The following TANC1 variants were observed in gnomAD, a reference collection of about 807,000 sequenced individuals.
The protein encoded by TANC1 is protein TANC1.
In TANC1, 77 loss-of-function variants were observed where a neutral mutation model predicts 149.7. The ratio of observed to expected loss-of-function variants is 0.51; its 90% CI spans 0.43 to 0.62. The LOEUF (loss-of-function observed/expected upper bound fraction) is 0.62. Among genes scored for constraint, TANC1 ranks in the 20% least tolerant of loss-of-function variants. The probability of loss-of-function intolerance (pLI) is 0.00; values close to 1 mark genes in which losing one functional copy is unlikely to be tolerated. For missense variants in TANC1, 1,985 were observed against 2,321.8 expected (o/e 0.85, Z 2.98); for synonymous variants, 854 against 925.0 (o/e 0.92, Z 1.39).
At chr2:159,219,047 G>A (rs13400643) in intron 20 of TANC1, among the ~76,000 whole-genome samples, 191 bp from the exon 21 acceptor site, 13,173 of 152,186 alleles carry the variant, frequency 0.087, 1,205 homozygotes, top group East Asian at 0.23. Context: ...TAAAAAGAGT[G>A]CATATTTTGG....
chr2:159,169,250 C>T lies in TANC1; in HGVS notation c.947C>T (p.Ala316Val). 1 of 1,613,102 alleles carries T rather than the reference C, an allele frequency of 6.2e-7. No homozygotes were observed. The highest frequency in any genetic ancestry group is 8.5e-7 in the Non-Finnish European group (1 of 1,179,160). Residue 316 changes from alanine (A) to valine (V), a missense_variant and splice_region_variant, in exon 9 of 27, where the codon GCA becomes GTA. Physicochemically the swap from Ala to Val is moderately conservative, Grantham distance 64 (BLOSUM62 0). This residue lies in a region of TANC1 where 557 missense variants were observed against 612.9 expected (regional missense o/e 0.91). Transcript: ENST00000263635. ...ACTAAACTTCAGTTTAATATTACAG[C>T]AACAAGCTCAACCAAATTGGAAGAT... Reference protein sequence around the residue: ...LIMPRPNSVAATSSTKLEDLS... With the variant: ...LIMPRPNSVAVTSSTKLEDLS...
intron 3 of TANC1, among the ~76,000 whole-genome samples, chr2:159,085,788 G>T (rs1299969269): frequency 6.6e-6 from 1 of 152,082 alleles, no homozygotes. Context: ...ATCCACCCCC[G>T]TGACCCAACA....
intron 2 of TANC1, among the ~76,000 whole-genome samples, chr2:159,020,272 C>T (rs1266164797): frequency 1.3e-5 from 2 of 152,026 alleles, no homozygotes; most frequent in African/African-American, 4.8e-5. Context: ...TGCCACCACA[C>T]CCAGCCAATT....
At chr2:159,200,753 T>C (rs892587251) in intron 19 of TANC1, among the ~76,000 whole-genome samples, 1 of 152,180 alleles carries the variant, frequency 6.6e-6, no homozygotes, top group Non-Finnish European at 1.5e-5. Context: ...AGGCTCCTAA[T>C]TGGGTATTGG....
At chr2:159,006,312 A>AT (rs1364449554) in intron 2 of TANC1, among the ~76,000 whole-genome samples, 1 of 151,602 alleles carries the variant, frequency 6.6e-6, no homozygotes, top group African/African-American at 2.4e-5. Context: ...AAAAAAAAAA[A>AT]AAAGAATGTC....
intron 7 of TANC1, among the ~76,000 whole-genome samples, chr2:159,158,145 C>T (rs1456935210): frequency 1.3e-5 from 2 of 152,060 alleles, no homozygotes; most frequent in Non-Finnish European, 2.9e-5. Flanking sequence ...CGCTTGAGCC[C>T]ATTAGTTCAA....
Position 159,059,915 on chromosome 2 carries a change from TGTGTGTGTGTGTGTGG to T in TANC1, c.-15-5980_-15-5965del, listed in dbSNP as rs1186661660. On this transcript the variant is annotated intron_variant, in intron 2 of 26. Transcript: ENST00000263635. ...GTGTGTGTGTGTGTGTGTGTGTGTGTGTGTGTGTGTGTGTGGTTTTTTGTTGTTGTTGTTTTTTTTT... is the reference window on the plus strand; with the variant it reads ...GTGTGTGTGTGTGTGTGTGTGTGTGTTTTTTTGTTGTTGTTGTTTTTTTTT... Among the ~76,000 whole-genome samples the T allele has an allele frequency of 1.2e-4, 17 of 147,770 alleles. 1 individual carries two copies. The highest frequency in any genetic ancestry group is 3.3e-4 in the African/African-American group (13 of 39,516).
intron 16 of TANC1, among the ~76,000 whole-genome samples, chr2:159,188,252 T>C (rs1302841134): frequency 6.6e-6 from 1 of 152,264 alleles, no homozygotes; most frequent in Non-Finnish European, 1.5e-5. Context: ...GAACTTTTTT[T>C]AGAGTGTATT....
chr2:159,200,037 G>T (rs1483918976), intron 19 of TANC1, among the ~76,000 whole-genome samples: 1 of 152,230 alleles, frequency 6.6e-6, no homozygotes, highest in African/African-American at 2.4e-5. Context: ...AGCGGAGTTG[G>T]ATTATGTCTA....
chr2:159,017,947 A>T lies in TANC1; in HGVS notation c.-16+16758A>T, dbSNP rs371937899. ...ATGTAAAAATAGTACCCTGATTGGG[A>T]TGTTCTCCTATGTGTGTTGATTTAT... On this transcript the variant is annotated intron_variant, in intron 2 of 26. Transcript: ENST00000263635. Among the ~76,000 whole-genome samples, 6 of 152,252 alleles carry T rather than the reference A, an allele frequency of 3.9e-5. 1 individual carries two copies. The South Asian group carries it at 1.2e-3, about 32-fold the overall frequency.
chr2:159,019,651 C>CTTT (rs2038620199), intron 2 of TANC1, among the ~76,000 whole-genome samples: 10 of 61,284 alleles, frequency 1.6e-4, no homozygotes, highest in Admixed American at 4.0e-4. Flanking sequence ...TGCTTTCTTT[C>CTTT]TGTTTTTTTT....
intron 7 of TANC1, among the ~76,000 whole-genome samples, chr2:159,154,270 C>G (rs1000324631): frequency 6.6e-6 from 1 of 152,162 alleles, no homozygotes; most frequent in African/African-American, 2.4e-5. Context: ...TTTAAAATTC[C>G]TGGACCTTTC....
Position 158,995,943 on chromosome 2 carries a change from C to G in TANC1, c.-125-5137C>G, listed in dbSNP as rs368175889. The stretch of plus-strand genomic sequence containing the variant: ...TCTGCCTGGTCCACAGAAACTGATT[C>G]TGTTTCTTCTTTGTCAGATCCAACA... On this transcript the variant is annotated intron_variant, in intron 1 of 26. Coordinates refer to ENST00000263635, the MANE Select transcript of TANC1 (RefSeq NM_033394.3). Among the ~76,000 whole-genome samples the G allele has an allele frequency of 8.7e-4, 133 of 152,350 alleles. 1 individual carries two copies. The highest frequency in any genetic ancestry group is 3.1e-3 in the African/African-American group (127 of 41,584).
chr2:159,067,236 C>G (rs1405062385), intron 3 of TANC1, among the ~76,000 whole-genome samples: 9 of 152,214 alleles, frequency 5.9e-5, no homozygotes, highest in Non-Finnish European at 1.5e-5. Context: ...TTATATAGAA[C>G]CTAGACAAAA....
chr2:159,126,029 T>TC (rs1258916073), intron 4 of TANC1, among the ~76,000 whole-genome samples: 3 of 152,184 alleles, frequency 2.0e-5, no homozygotes, highest in Non-Finnish European at 4.4e-5. Context: ...GTCTGACCCT[T>TC]CCTCCTGCCT....
chr2:159,150,631 A>T, intron 7 of TANC1, 75 bp downstream of exon 7: 1 of 1,220,486 alleles, frequency 8.2e-7, no homozygotes, highest in Non-Finnish European at 1.2e-6. Context: ...ACTTCCTCAG[A>T]GGGTTTTAGC....
At chr2:159,054,250 G>T (rs1184281243) in intron 2 of TANC1, among the ~76,000 whole-genome samples, 1 of 152,214 alleles carries the variant, frequency 6.6e-6, no homozygotes, top group Non-Finnish European at 1.5e-5. Flanking sequence ...TCACTAGCTT[G>T]TCTGTGCCTT....
chr2:159,098,736 CA>C (rs146035473), intron 4 of TANC1, among the ~76,000 whole-genome samples: 1 of 150,832 alleles, frequency 6.6e-6, no homozygotes, highest in Non-Finnish European at 1.5e-5. Context: ...TAACATTACC[CA>C]AAAAAAACAA....
At chr2:159,123,976 T>G (rs1384269530) in intron 4 of TANC1, among the ~76,000 whole-genome samples, 1 of 152,196 alleles carries the variant, frequency 6.6e-6, no homozygotes, top group African/African-American at 2.4e-5. Context: ...CATACTGTTT[T>G]GTCTTCATAC....
Sources: gnomAD v4.1 joint callset for allele counts (sites outside exome capture counted in the v4.1 genomes callset) on GRCh38, gnomAD v4.1.1 for gene constraint, gnomAD v4.1.1 regional missense constraint, MANE v1.5 for transcripts, NCBI Gene and HGNC (gene_info 2026-07-23, HGNC 2026-07-21) for gene names.